Variants in GAS2L3 observed in about 807,000 individuals in gnomAD.
GAS2L3 encodes the protein GAS2-like protein 3.
In GAS2L3, 28 loss-of-function variants were observed where a neutral mutation model predicts 37.0. The observed-to-expected ratio is 0.76, with a 90% confidence interval of 0.56 to 1.04. The LOEUF is 1.04. GAS2L3 is among the 50% of genes least tolerant of loss of function. The pLI is 0.00. For synonymous variants in GAS2L3, 290 were observed against 296.6 expected, an observed-to-expected ratio of 0.98 and a Z score of 0.23; for missense variants, 793 against 817.6, an observed-to-expected ratio of 0.97 and a Z score of 0.37.
At chr12:100,600,786 A>G (rs1020514141) in intron 4 of GAS2L3, among the ~76,000 whole-genome samples, 1 of 152,214 alleles carries the variant, frequency 6.6e-6, no homozygotes, top group African/African-American at 2.4e-5. Context: ...AGAGGTCAGT[A>G]AGCTTTGAAT....
intron 1 of GAS2L3, among the ~76,000 whole-genome samples, chr12:100,588,872 T>C (rs1040016049): frequency 1.3e-5 from 2 of 152,190 alleles, no homozygotes; most frequent in African/African-American, 4.8e-5. Context: ...TATGGCTCTT[T>C]TTGCCTGACC....
At chr12:100,586,009 A>G (rs1955777129) in intron 1 of GAS2L3, among the ~76,000 whole-genome samples, 1 of 151,736 alleles carries the variant, frequency 6.6e-6, no homozygotes, top group African/African-American at 2.4e-5. Flanking sequence ...TCACTGTTTC[A>G]CTCCACCCTT....
At chr12:100,585,231 A>C (rs951445850) in intron 1 of GAS2L3, among the ~76,000 whole-genome samples, 2 of 151,302 alleles carry the variant, frequency 1.3e-5, no homozygotes, top group Non-Finnish European at 2.9e-5. Flanking sequence ...TTCCTGAAAC[A>C]AACCAAAACA....
At chr12:100,593,164 A>G (rs888151639) in intron 2 of GAS2L3, among the ~76,000 whole-genome samples, 9 of 152,254 alleles carry the variant, frequency 5.9e-5, no homozygotes, top group African/African-American at 2.2e-4. Flanking sequence ...TATCTGTTAT[A>G]TAGTGAGTAC....
chr12:100,595,458 C>T (rs558863194), intron 3 of GAS2L3, among the ~76,000 whole-genome samples: 64 of 147,986 alleles, frequency 4.3e-4, no homozygotes, highest in African/African-American at 1.6e-3. Flanking sequence ...ATGAGACAAT[C>T]AGAATAGCCT....
chr12:100,616,604 T>TA (rs1384978310), intron 6 of GAS2L3, among the ~76,000 whole-genome samples: 8 of 119,376 alleles, frequency 6.7e-5, no homozygotes, highest in Non-Finnish European at 9.6e-5. Context: ...CCTAGCTAAT[T>TA]AAAAAAACAA....
chr12:100,594,282 T>G (rs1955882871), intron 2 of GAS2L3, among the ~76,000 whole-genome samples: 1 of 152,014 alleles, frequency 6.6e-6, no homozygotes. Context: ...TCCATGTAGA[T>G]TTCAAGAATA....
intron 5 of GAS2L3, among the ~76,000 whole-genome samples, chr12:100,604,474 G>GTTTTTT (rs56690394): frequency 3.9e-5 from 5 of 129,286 alleles, no homozygotes; most frequent in Admixed American, 7.7e-5. Flanking sequence ...AGCTGTAGTT[G>GTTTTTT]TTTTTTTTTT....
At chr12:100,586,754 A>C (rs1955786392) in intron 1 of GAS2L3, among the ~76,000 whole-genome samples, 1 of 152,192 alleles carries the variant, frequency 6.6e-6, no homozygotes, top group African/African-American at 2.4e-5. Context: ...TGAAATTGAA[A>C]CAAAAAAATA....
At chr12:100,601,166 A>G (rs1955983640) in intron 4 of GAS2L3, among the ~76,000 whole-genome samples, 1 of 152,180 alleles carries the variant, frequency 6.6e-6, no homozygotes, top group South Asian at 2.1e-4. Flanking sequence ...ATAATTAAAT[A>G]CCAAATACCC....
rs1956293948 is a variant in GAS2L3 at position 100,623,958 on chromosome 12, C to A, written c.1153C>A (p.Leu385Ile). Residue 385 changes from leucine to isoleucine, a missense_variant, in exon 10 of 10, where the codon CTC (leucine) becomes ATC (isoleucine). Physicochemically the swap from Leu to Ile is conservative, Grantham distance 5. Coordinates refer to ENST00000547754, the MANE Select transcript of GAS2L3 (RefSeq NM_174942.3). The stretch of plus-strand genomic sequence containing the variant: ...TCCAGCAGCATCTTCTCATCCCAAG[C>A]TCAAGTCTTCAAAAGGCATAACGAA... ...NSPAASSHPK[L>I]KSSKGITKKP... 6.2e-7 allele frequency: 1 copy of A among 1,613,950 alleles called. No individual in the cohort carries two copies. The highest frequency in any genetic ancestry group is 1.1e-5 in the South Asian group (1 of 91,070).
intron 5 of GAS2L3, among the ~76,000 whole-genome samples, chr12:100,604,479 T>TTG (rs1350587663): frequency 6.6e-6 from 1 of 150,856 alleles, no homozygotes; most frequent in Non-Finnish European, 1.5e-5. Context: ...TAGTTGTTTT[T>TTG]TTTTTTTTTT....
intron 8 of GAS2L3, among the ~76,000 whole-genome samples, chr12:100,620,725 C>T (rs1428207345): frequency 1.3e-5 from 2 of 151,940 alleles, no homozygotes; most frequent in Non-Finnish European, 2.9e-5. Flanking sequence ...GGTCCTGTTA[C>T]AAAATATACA....
intron 6 of GAS2L3, among the ~76,000 whole-genome samples, 170 bp from the exon 7 acceptor site, chr12:100,617,571 ATTT>A (rs1157584523): frequency 6.6e-6 from 1 of 152,088 alleles, no homozygotes; most frequent in Admixed American, 6.6e-5. Flanking sequence ...TTTTAAACTA[ATTT>A]GTTGAAGATA....
Position 100,627,856 on chromosome 12 carries a change from T to C in GAS2L3, c.*2966T>C, listed in dbSNP as rs1956346856. The C allele has an allele frequency of 6.6e-6, 1 of 152,204 alleles. No individual in the cohort carries two copies. The highest frequency in any genetic ancestry group is 2.4e-5 in the African/African-American group (1 of 41,464). 9.4% of individuals were successfully genotyped at this position (152,204 alleles called of 1,614,324 possible). A position where few individuals can be genotyped will look rare whatever the true frequency, so the allele number is the denominator to read the frequency against. On this transcript the variant is annotated 3_prime_UTR_variant, in exon 10 of 10. Transcript: ENST00000547754. Reference sequence around the variant, plus strand: ...TGTGTACTTTCAAAAAAATGGAAAATGCTTTTATTTTATTTTCTATAATTT... The same window carrying C: ...TGTGTACTTTCAAAAAAATGGAAAACGCTTTTATTTTATTTTCTATAATTT...
intron 1 of GAS2L3, chr12:100,579,300 A>G: frequency 1.6e-6 from 1 of 636,722 alleles, no homozygotes; most frequent in Non-Finnish European, 2.9e-6. Context: ...TGCGTTTCTT[A>G]TACTAGTAAG....
At chr12:100,593,294 A>C (rs1195386967) in intron 2 of GAS2L3, among the ~76,000 whole-genome samples, 1 of 152,122 alleles carries the variant, frequency 6.6e-6, no homozygotes, top group East Asian at 1.9e-4. Context: ...TATTTTTTAA[A>C]GAATTTGTTT....
At chr12:100,578,853 T>C in intron 1 of GAS2L3, 2 of 729,832 alleles carry the variant, frequency 2.7e-6, no homozygotes, top group Middle Eastern at 2.5e-4. Context: ...AATATATGTA[T>C]GGCATCTGAC....
intron 5 of GAS2L3, 127 bp downstream of exon 5, chr12:100,601,880 C>G (rs1398551060): frequency 4.3e-6 from 2 of 460,798 alleles, no homozygotes; most frequent in African/African-American, 4.0e-5. Flanking sequence ...ATTTACTTAA[C>G]CCTTTTCAAG....
Sources: allele counts gnomAD v4.1 joint callset (sites outside exome capture counted in the v4.1 genomes callset), GRCh38; gene constraint gnomAD v4.1.1; transcripts MANE v1.5; gene names NCBI Gene and HGNC (gene_info 2026-07-23, HGNC 2026-07-21).